Variants in EPHA3 observed in about 807,000 individuals in gnomAD.
The protein encoded by EPHA3 is EPH receptor A3, also known as ephrin type-A receptor 3.
Under a neutral mutation model 107.1 loss-of-function variants are expected in EPHA3, and 42 were observed. The ratio of observed to expected loss-of-function variants is 0.39; its 90% CI spans 0.31 to 0.51. The LOEUF (loss-of-function observed/expected upper bound fraction) is 0.51, where lower values mean the gene tolerates loss of function less well. Among genes scored for constraint, EPHA3 ranks in the 20% least tolerant of loss-of-function variants. EPHA3 has a pLI of 0.78. For synonymous variants in EPHA3, 461 were observed against 424.8 expected (o/e 1.09, Z -1.05); for missense variants, 1,183 against 1,211.2 (o/e 0.98, Z 0.35).
At chr3:89,244,249 A>T (rs1042533494) in intron 3 of EPHA3, among the ~76,000 whole-genome samples, 1 of 152,110 alleles carries the variant, frequency 6.6e-6, no homozygotes, top group South Asian at 2.1e-4. Context: ...CTAGGTTACC[A>T]GGAATATTAA....
intron 13 of EPHA3, among the ~76,000 whole-genome samples, chr3:89,438,517 C>G (rs1342557032): frequency 6.6e-6 from 1 of 152,050 alleles, no homozygotes; most frequent in East Asian, 1.9e-4. Context: ...AATCTAAGAA[C>G]ATAAATAACA....
intron 5 of EPHA3, among the ~76,000 whole-genome samples, chr3:89,349,486 C>T (rs1707752791): frequency 6.7e-6 from 1 of 148,892 alleles, no homozygotes; most frequent in African/African-American, 2.5e-5. Context: ...TTCTTCCATC[C>T]TTTTATTTTG....
intron 5 of EPHA3, among the ~76,000 whole-genome samples, chr3:89,376,869 A>G (rs904163449): frequency 6.6e-6 from 1 of 152,110 alleles, no homozygotes; most frequent in Admixed American, 6.6e-5. Flanking sequence ...GGCTTTGAAC[A>G]TATGTTATTT....
intron 3 of EPHA3, among the ~76,000 whole-genome samples, chr3:89,306,947 A>G (rs1028343897): frequency 2.6e-5 from 4 of 152,318 alleles, no homozygotes; most frequent in Middle Eastern, 3.4e-3. Context: ...GAAAACACAC[A>G]TTAACATAGT....
chr3:89,127,211 A>G lies in EPHA3; in HGVS notation c.91A>G (p.Asn31Asp), dbSNP rs1157209705. The change falls in exon 2 of 17, where the codon AAT becomes GAT. Residue 31 changes from asparagine (N) to aspartate (D), a missense_variant and splice_region_variant. By Grantham distance (23) the Asn-to-Asp change is conservative. Coordinates refer to ENST00000336596, the MANE Select transcript of EPHA3 (RefSeq NM_005233.6). ...TTGTGTATTATGTTTTATTTTAGTC[A>G]ATCTACTGGATTCAAAAACAATTCA... ...ELIPQPSNEV[N>D]LLDSKTIQGE... is the part of the protein sequence containing the mutation. 1.9e-6 allele frequency: 3 copies of G among 1,611,008 alleles called. No individual in the cohort carries two copies. The highest frequency in any genetic ancestry group is 2.5e-6 in the Non-Finnish European group (3 of 1,177,558).
At chr3:89,284,946 G>A (rs1266847852) in intron 3 of EPHA3, among the ~76,000 whole-genome samples, 3 of 152,036 alleles carry the variant, frequency 2.0e-5, no homozygotes, top group Admixed American at 2.0e-4. Flanking sequence ...GGCCAACAGG[G>A]TGAAACCCAT....
chr3:89,288,244 A>G (rs1253517334), intron 3 of EPHA3, among the ~76,000 whole-genome samples: 1 of 152,150 alleles, frequency 6.6e-6, no homozygotes, highest in Non-Finnish European at 1.5e-5. Context: ...ATGAATTTTT[A>G]AAGTACAGTG....
At chr3:89,208,064 G>A (rs1013325739) in intron 2 of EPHA3, among the ~76,000 whole-genome samples, 1 of 152,052 alleles carries the variant, frequency 6.6e-6, no homozygotes, top group African/African-American at 2.4e-5. Context: ...CAGTCCCATG[G>A]GGTTATACCG....
intron 15 of EPHA3, among the ~76,000 whole-genome samples, chr3:89,459,609 G>A (rs554076257): frequency 4.6e-5 from 7 of 151,658 alleles, no homozygotes; most frequent in African/African-American, 7.3e-5. Flanking sequence ...GCCATCCTCC[G>A]CCTCCTGGGT....
chr3:89,127,938 T>C (rs1187510209), intron 2 of EPHA3, among the ~76,000 whole-genome samples: 2 of 152,126 alleles, frequency 1.3e-5, no homozygotes, highest in Admixed American at 6.5e-5. Flanking sequence ...ATTTTTCTTT[T>C]ATTTTTTCTG....
chr3:89,342,062 T>G lies in EPHA3; in HGVS notation c.1278T>G (p.Ala426=). Residue 426 remains alanine, a synonymous_variant, in exon 5 of 17, where the codon GCT becomes GCG. Transcript: ENST00000336596. ...SELSSPPRQF[A]AVSITTNQAA... Reference sequence around the variant, plus strand: ...TGAGCTCCCCACCAAGACAGTTTGCTGCGGTCAGCATCACAACTAATCAGG... The same window carrying G: ...TGAGCTCCCCACCAAGACAGTTTGCGGCGGTCAGCATCACAACTAATCAGG... 1 of 1,610,312 alleles carries G rather than the reference T, an allele frequency of 6.2e-7. No individual in the cohort carries two copies. Among genetic ancestry groups the G allele is most frequent in the Non-Finnish European group, 8.5e-7 (1 of 1,179,080 alleles).
At chr3:89,221,376 T>C (rs1378449302) in intron 3 of EPHA3, among the ~76,000 whole-genome samples, 1 of 152,212 alleles carries the variant, frequency 6.6e-6, no homozygotes, top group African/African-American at 2.4e-5. Flanking sequence ...CTTGTTTGCA[T>C]TCCCTATAGA....
chr3:89,201,929 C>T (rs7432113), intron 2 of EPHA3, among the ~76,000 whole-genome samples: 94,242 of 151,992 alleles, frequency 0.62, 30,237 homozygotes, highest in Non-Finnish European at 0.7. Flanking sequence ...ATATTCCAAT[C>T]GTACTGGAAC....
At chr3:89,245,860 A>G (rs1705019632) in intron 3 of EPHA3, among the ~76,000 whole-genome samples, 1 of 152,224 alleles carries the variant, frequency 6.6e-6, no homozygotes, top group Admixed American at 6.5e-5. Flanking sequence ...CAGCTTTTCT[A>G]ATTCCTTGCT....
At chr3:89,469,977 T>C (rs1230596119) in intron 15 of EPHA3, among the ~76,000 whole-genome samples, 1 of 152,018 alleles carries the variant, frequency 6.6e-6, no homozygotes, top group Non-Finnish European at 1.5e-5. Flanking sequence ...GTTTTAATAC[T>C]CCTAATTTTG....
At chr3:89,358,431 C>G (rs1386973745) in intron 5 of EPHA3, among the ~76,000 whole-genome samples, 1 of 150,954 alleles carries the variant, frequency 6.6e-6, no homozygotes, top group African/African-American at 2.4e-5. Flanking sequence ...TTTCTGTTCC[C>G]AAAGCATTGA....
intron 2 of EPHA3, among the ~76,000 whole-genome samples, chr3:89,150,772 C>A (rs372369983): frequency 5.9e-5 from 9 of 151,982 alleles, no homozygotes; most frequent in African/African-American, 2.2e-4. Context: ...TCATTTGTAC[C>A]TTTAGAACAC....
chr3:89,232,114 A>T (rs1435816600), intron 3 of EPHA3, among the ~76,000 whole-genome samples: 1 of 152,020 alleles, frequency 6.6e-6, no homozygotes, highest in East Asian at 1.9e-4. Flanking sequence ...CCAAGATGTT[A>T]TATTTTGGGG....
chr3:89,256,121 C>T (rs1337934778), intron 3 of EPHA3, among the ~76,000 whole-genome samples: 1 of 151,698 alleles, frequency 6.6e-6, no homozygotes, highest in Non-Finnish European at 1.5e-5. Flanking sequence ...CACAGTGGAG[C>T]GTACCTGTAG....
Sources: gnomAD v4.1 joint callset for allele counts (sites outside exome capture counted in the v4.1 genomes callset) on GRCh38, gnomAD v4.1.1 for gene constraint, MANE v1.5 for transcripts, NCBI Gene and HGNC (gene_info 2026-07-23, HGNC 2026-07-21) for gene names.